Variants in TNS2 observed in about 807,000 individuals in gnomAD.
TNS2 encodes the protein tensin-2.
A neutral mutation model predicts 155.7 loss-of-function variants in TNS2; 77 were observed. The ratio of observed to expected loss-of-function variants is 0.49; its 90% CI spans 0.41 to 0.60. The LOEUF is 0.60. TNS2 is among the 20% of genes least tolerant of loss of function. TNS2 has a pLI of 0.00. For missense variants in TNS2, 1,703 were observed against 1,868.8 expected (o/e 0.91, Z 1.64); for synonymous variants, 726 against 763.9 (o/e 0.95, Z 0.82).
upstream of TNS2, chr12:53,046,995 C>T (rs73099903): frequency 0.063 from 9,641 of 152,578 alleles, 384 homozygotes; most frequent in South Asian, 0.15. Flanking sequence ...TCAGCCACTT[C>T]CTGTCTCCAG....
At chr12:53,054,111 A>G in intron 6 of TNS2, 97 bp downstream of exon 6, 1 of 1,546,256 alleles carries the variant, frequency 6.5e-7, no homozygotes. Flanking sequence ...TCCCCGGGAC[A>G]GCCCCCCACC....
upstream of TNS2, among the ~76,000 whole-genome samples, chr12:53,047,968 G>A (rs560290089): frequency 6.6e-6 from 1 of 152,174 alleles, no homozygotes; most frequent in Non-Finnish European, 1.5e-5. Flanking sequence ...AGAAAGGGGG[G>A]TGTGGGTGGA....
upstream of TNS2, among the ~76,000 whole-genome samples, chr12:53,047,827 T>TC (rs1320706073): frequency 6.6e-6 from 1 of 152,120 alleles, no homozygotes; most frequent in African/African-American, 2.4e-5. Flanking sequence ...CCCCCTCCAG[T>TC]CTGCCCCCAT....
Position 53,059,661 on chromosome 12 carries a change from C to T in TNS2, c.2020C>T (p.Arg674Trp), listed in dbSNP as rs757091013. The stretch of plus-strand genomic sequence containing the variant: ...CTTTGGCTACCGCGCCCCAGGCTAC[C>T]GGGAGGTGGTCATCCTGGAGGACCC... ...GDFGYRAPGYREVVILEDPGL... is the reference protein window; with the variant it reads ...GDFGYRAPGYWEVVILEDPGL... Residue 674 changes from arginine (R) to tryptophan (W), a missense_variant, in exon 18 of 29, where the codon CGG becomes TGG. Transcript: ENST00000314250. The surrounding 1 kb of genome is among the most constrained non-coding windows in gnomAD (Gnocchi z 4.7). The T allele has an allele frequency of 4.3e-6, 7 of 1,613,330 alleles. No individual in the cohort carries two copies. The highest frequency in any genetic ancestry group is 2.2e-5 in the East Asian group (1 of 44,882).
At chr12:53,048,183 G>A (rs73099905), upstream of TNS2, among the ~76,000 whole-genome samples, 3,356 of 152,294 alleles carry the variant, frequency 0.022, 72 homozygotes, top group Non-Finnish European at 0.03. Flanking sequence ...CTTCCGAGGT[G>A]CGAGTGCCAC....
chr12:53,060,800 G>T lies in TNS2; in HGVS notation c.2894G>T (p.Gly965Val). The T allele has an allele frequency of 6.2e-7, 1 of 1,612,026 alleles. No homozygotes were observed. ...GCCCCTGAGCTGCCGTCGGGAAGTGGGCCTGAGCCTCTGGCCCCTAGCCCA... is the reference window on the plus strand; with the variant it reads ...GCCCCTGAGCTGCCGTCGGGAAGTGTGCCTGAGCCTCTGGCCCCTAGCCCA... ...GKAPELPSGS[G>V]PEPLAPSPVS... The change falls in exon 20 of 29, where the codon GGG (glycine) becomes GTG (valine). Residue 965 changes from glycine (G) to valine (V), a missense_variant. By Grantham distance (109) the Gly-to-Val change is moderately radical (BLOSUM62 -3). Coordinates refer to ENST00000314250, the MANE Select transcript of TNS2 (RefSeq NM_170754.4). This position sits in a 1 kb window ranked among gnomAD's most constrained non-coding sequence, Gnocchi z 6.1.
In TNS2 at chr12:53,051,983, G is replaced by C; in HGVS notation, c.184+20G>C. 1.3e-6 allele frequency: 2 copies of C among 1,590,848 alleles called. No homozygotes were observed. Among genetic ancestry groups the C allele is most frequent in the African/African-American group, 1.3e-5 (1 of 74,488 alleles). Reference sequence around the variant, plus strand: ...GCAGAGGTGAGGCTCTCTGTCCTGTGACTCTGAGACCCTCCACCCAGTACC... The same window carrying C: ...GCAGAGGTGAGGCTCTCTGTCCTGTCACTCTGAGACCCTCCACCCAGTACC... On this transcript the variant is annotated intron_variant, in intron 2 of 28. Transcript: ENST00000314250.
rs747045018 is a variant in TNS2, at chr12:53,061,884, C to G, written c.3518C>G (p.Ala1173Gly). ...LIRDSHSFQGAYGLALKVATP... is the reference protein window; with the variant it reads ...LIRDSHSFQGGYGLALKVATP... The stretch of plus-strand genomic sequence containing the variant: ...AGGGACAGTCATTCATTCCAAGGAG[C>G]TTATGGGCTGGCCCTCAAGGTGGCC... Residue 1173 changes from alanine to glycine, a missense_variant, in exon 22 of 29, where the codon GCT (alanine) becomes GGT (glycine). Physicochemically the swap from Ala to Gly is moderately conservative, Grantham distance 60. Coordinates refer to ENST00000314250, the MANE Select transcript of TNS2 (RefSeq NM_170754.4). The G allele has an allele frequency of 1.2e-6, 2 of 1,613,718 alleles. No individual in the cohort carries two copies. Among genetic ancestry groups the G allele is most frequent in the Non-Finnish European group, 8.5e-7 (1 of 1,179,990 alleles).
At chr12:53,062,912 G>A (rs1944428445) in intron 25 of TNS2, 177 bp from the exon 26 acceptor site, 1 of 973,112 alleles carries the variant, frequency 1.0e-6, no homozygotes, top group South Asian at 1.7e-5. Context: ...GTAGCAGGGA[G>A]GCTTCTCTGC....
At chr12:53,047,135 G>T (rs1943745032), upstream of TNS2, 1 of 147,640 alleles carries the variant, frequency 6.8e-6, no homozygotes, top group South Asian at 1.9e-4. Context: ...GGAACGTGGG[G>T]ATTGGAGCCG....
rs2121147092 is a variant in TNS2, at chr12:53,059,718, T to G, written c.2077T>G (p.Cys693Gly). ...GCCTGCCCTATACCCATGCCCAGCC[T>G]GCGAGGAGAAGCTGGCGCTGCCTAC... ...GLPALYPCPA[C>G]EEKLALPTAA... Residue 693 changes from cysteine to glycine, a missense_variant, in exon 18 of 29, where the codon TGC (cysteine) becomes GGC (glycine). Coordinates refer to ENST00000314250, the MANE Select transcript of TNS2 (RefSeq NM_170754.4). The surrounding 1 kb of genome is among the most constrained non-coding windows in gnomAD (Gnocchi z 4.7). 2 of 1,613,078 alleles carry G rather than the reference T, an allele frequency of 1.2e-6. No homozygotes were observed. Among genetic ancestry groups the G allele is most frequent in the East Asian group, 4.5e-5 (2 of 44,864 alleles).
At position 53,050,781 on chromosome 12, in the gene TNS2, C is replaced by A. The variant is rs1435474105; in HGVS notation, c.75+521C>A. On this transcript the variant is annotated intron_variant, in intron 1 of 28. Coordinates refer to ENST00000314250, the MANE Select transcript of TNS2 (RefSeq NM_170754.4). This position sits in a 1 kb window ranked among gnomAD's most constrained non-coding sequence, Gnocchi z 4.7. ...AGTGGGTCCCACAAAGTTGATCCAGCCCAGAAGAGTTGCAGGGACAGTCAA... is the reference window on the plus strand; with the variant it reads ...AGTGGGTCCCACAAAGTTGATCCAGACCAGAAGAGTTGCAGGGACAGTCAA... Among the ~76,000 whole-genome samples, 2 of 152,162 alleles carry A rather than the reference C, an allele frequency of 1.3e-5. No homozygotes were observed. The highest frequency in any genetic ancestry group is 2.9e-5 in the Non-Finnish European group (2 of 68,030).
At chr12:53,058,291 C>G (rs755891594) in intron 14 of TNS2, 25 bp from the exon 15 acceptor site, 2 of 1,612,714 alleles carry the variant, frequency 1.2e-6, no homozygotes, top group African/African-American at 1.3e-5. Context: ...GAGGCCTGAT[C>G]CGCAGCCTCC....
At position 53,060,971 on chromosome 12, in the gene TNS2, G is replaced by T. The variant is rs372006021; in HGVS notation, c.3065G>T (p.Gly1022Val). The T allele has an allele frequency of 6.2e-7, 1 of 1,608,296 alleles. No individual in the cohort carries two copies. The change falls in exon 20 of 29, where the codon GGC (glycine) becomes GTC (valine). Residue 1022 changes from glycine to valine, a missense_variant. Coordinates refer to ENST00000314250, the MANE Select transcript of TNS2 (RefSeq NM_170754.4). The surrounding 1 kb of genome is among the most constrained non-coding windows in gnomAD (Gnocchi z 6.1). ...LRHAPWQGPR[G>V]PPDSPDGSPL... ...CACGCCCCCTGGCAAGGCCCTCGAGGCCCCCCCGACAGCCCAGATGGGTCT... is the reference window on the plus strand; with the variant it reads ...CACGCCCCCTGGCAAGGCCCTCGAGTCCCCCCCGACAGCCCAGATGGGTCT...
intron 7 of TNS2, 143 bp downstream of exon 7, chr12:53,054,584 G>A: frequency 8.8e-7 from 1 of 1,136,108 alleles, no homozygotes; most frequent in Non-Finnish European, 1.2e-6. Context: ...GGCCCGGAGC[G>A]CGGCCTGGAG....
At position 53,059,394 on chromosome 12, in the gene TNS2, A is replaced by G. The variant is rs1375767735; in HGVS notation, c.1753A>G (p.Arg585Gly). 3 of 1,466,942 alleles carry G rather than the reference A, an allele frequency of 2.0e-6. No homozygotes were observed. The highest frequency in any genetic ancestry group is 2.7e-6 in the Non-Finnish European group (3 of 1,110,380). The allele number at this position is 1,466,942 out of a possible 1,614,324, so 90.9% of individuals were successfully genotyped here. A position where few individuals can be genotyped will look rare whatever the true frequency, so the allele number is the denominator to read the frequency against. Residue 585 changes from arginine (R) to glycine (G), a missense_variant, in exon 18 of 29, where the codon AGG (arginine) becomes GGG (glycine). Physicochemically the swap from Arg to Gly is moderately radical, Grantham distance 125. Transcript: ENST00000314250. The surrounding 1 kb of genome is among the most constrained non-coding windows in gnomAD (Gnocchi z 4.7). Reference protein sequence around the residue: ...GPHLGVYPGHRPGLSRHCSCR... With the variant: ...GPHLGVYPGHGPGLSRHCSCR... ...CCACCTCGGAGTGTATCCAGGCCAT[A>G]GGCCTGGCCTCAGCCGCCACTGCTC... is the stretch of plus-strand genomic sequence containing the variant.
Position 53,059,311 on chromosome 12 carries a change from C to A in TNS2, c.1670C>A (p.Ala557Asp). Reference protein sequence around the residue: ...GCGVASGGRGAGRETAILDDE... With the variant: ...GCGVASGGRGDGRETAILDDE... ...GGAGTGGCCAGTGGGGGCCGGGGAGCTGGGCGCGAGACGGCCATCCTAGAT... is the reference window on the plus strand; with the variant it reads ...GGAGTGGCCAGTGGGGGCCGGGGAGATGGGCGCGAGACGGCCATCCTAGAT... The change falls in exon 18 of 29, where the codon GCT becomes GAT. Residue 557 changes from alanine (A) to aspartate (D), a missense_variant. Ala to Asp is a moderately radical substitution (Grantham distance 126, BLOSUM62 -2). Coordinates refer to ENST00000314250, the MANE Select transcript of TNS2 (RefSeq NM_170754.4). This position sits in a 1 kb window ranked among gnomAD's most constrained non-coding sequence, Gnocchi z 4.7. 1 of 1,437,020 alleles carries A rather than the reference C, an allele frequency of 7.0e-7. No individual in the cohort carries two copies. The allele number at this position is 1,437,020 out of a possible 1,614,324, so 89.0% of individuals were successfully genotyped here.
rs756329734 is a variant in TNS2 at position 53,059,329 on chromosome 12, T to C, written c.1688T>C (p.Ile563Thr). 1 of 1,444,888 alleles carries C rather than the reference T, an allele frequency of 6.9e-7. No homozygotes were observed. Among genetic ancestry groups the C allele is most frequent in the East Asian group, 2.5e-5 (1 of 40,020 alleles). 89.5% of individuals were successfully genotyped at this position (1,444,888 alleles called of 1,614,324 possible). A position where few individuals can be genotyped will look rare whatever the true frequency, so the allele number is the denominator to read the frequency against. ...GGRGAGRETAILDDEEQPTVG... is the reference protein window; with the variant it reads ...GGRGAGRETATLDDEEQPTVG... ...CGGGGAGCTGGGCGCGAGACGGCCA[T>C]CCTAGATGACGAAGAGCAGCCCACT... Residue 563 changes from isoleucine to threonine, a missense_variant, in exon 18 of 29, where the codon ATC (isoleucine) becomes ACC (threonine). Transcript: ENST00000314250. This position sits in a 1 kb window ranked among gnomAD's most constrained non-coding sequence, Gnocchi z 4.7.
rs201920196 is a variant in TNS2, at chr12:53,061,307, C to T, written c.3358+43C>T. On this transcript the variant is annotated intron_variant, in intron 20 of 28. Transcript: ENST00000314250. ...GGGTTGGTGCCACCTTGAGAGAACC[C>T]TTTCTCCTGGGATGTAGCATGGATG... 4.4e-5 allele frequency: 70 copies of T among 1,608,360 alleles called. 1 individual carries two copies. The African/African-American group carries it at 6.8e-4, about 16-fold the overall frequency.
Sources: allele counts gnomAD v4.1 joint callset (sites outside exome capture counted in the v4.1 genomes callset), GRCh38; gene constraint gnomAD v4.1.1; non-coding constraint Gnocchi (gnomAD v3.1); transcripts MANE v1.5; gene names NCBI Gene and HGNC (gene_info 2026-07-23, HGNC 2026-07-21).